FRMD4B: variants seen among roughly 807,000 people sequenced by gnomAD.
FRMD4B encodes the protein FERM domain containing 4B, also known as FERM domain-containing protein 4B.
A neutral mutation model predicts 141.5 loss-of-function variants in FRMD4B; 74 were observed. The ratio of observed to expected loss-of-function variants is 0.52; its 90% confidence interval spans 0.43 to 0.63. FRMD4B has a LOEUF of 0.63. Ranked by LOEUF, FRMD4B falls within the 30% of genes least tolerant of loss-of-function variation. The pLI is 0.00. For missense variants in FRMD4B, 1,366 were observed against 1,253.4 expected (o/e 1.09, Z -1.36); for synonymous variants, 506 against 467.9 (o/e 1.08, Z -1.05).
At chr3:69,323,022 C>T (rs1264733378) in intron 1 of FRMD4B, 1 of 976,632 alleles carries the variant, frequency 1.0e-6, no homozygotes, top group Non-Finnish European at 1.2e-6. Flanking sequence ...ACATCTCTTG[C>T]AGGTTCACTG....
At chr3:69,398,619 C>T (rs1704509445) in intron 2 of FRMD4B, among the ~76,000 whole-genome samples, 1 of 152,218 alleles carries the variant, frequency 6.6e-6, no homozygotes, top group Non-Finnish European at 1.5e-5. Flanking sequence ...TGTTCCCCAG[C>T]TCCTTATTTC....
intron 1 of FRMD4B, among the ~76,000 whole-genome samples, chr3:69,373,867 T>G (rs562111948): frequency 6.6e-6 from 1 of 152,332 alleles, no homozygotes; most frequent in African/African-American, 2.4e-5. Context: ...AATAAGACCC[T>G]GTCTCAATCA....
intron 1 of FRMD4B, among the ~76,000 whole-genome samples, chr3:69,494,042 A>G (rs1252253866): frequency 6.6e-6 from 1 of 152,112 alleles, no homozygotes; most frequent in Non-Finnish European, 1.5e-5. Context: ...GTACTCAGTT[A>G]ATTTTTTAAA....
intron 1 of FRMD4B, among the ~76,000 whole-genome samples, chr3:69,504,949 CTT>C (rs1352485000): frequency 2.0e-5 from 3 of 152,168 alleles, no homozygotes; most frequent in Non-Finnish European, 4.4e-5. Context: ...AACTACAAAA[CTT>C]TTCTAATCTC....
intron 1 of FRMD4B, among the ~76,000 whole-genome samples, chr3:69,458,849 TAAAAAAAAA>T: frequency 1.2e-5 from 1 of 82,166 alleles, no homozygotes; most frequent in South Asian, 4.9e-4. Context: ...ATGGGCTGCT[TAAAAAAAAA>T]AAAAAAAAAA....
rs781036488 is a variant in FRMD4B at position 69,181,297 on chromosome 3, T to C, written c.2453A>G (p.Tyr818Cys). 5.0e-6 allele frequency: 8 copies of C among 1,613,772 alleles called. No individual in the cohort carries two copies. In the African/African-American group the frequency reaches 6.7e-5, roughly 13 times the overall value. ...CTCATAGACATAACCACCACTGTAA[T>C]AAAAGTCACACTCTGCATAGGGTGT... The part of the protein sequence containing the change: ...GYTPYAECDF[Y>C]YSGGYVYEND... Residue 818 changes from tyrosine to cysteine, a missense_variant, in exon 21 of 23, where the codon TAT becomes TGT. Coordinates refer to ENST00000398540, the MANE Select transcript of FRMD4B (RefSeq NM_015123.3).
chr3:69,476,182 T>C (rs1705994376), intron 1 of FRMD4B, among the ~76,000 whole-genome samples: 3 of 151,628 alleles, frequency 2.0e-5, no homozygotes, highest in African/African-American at 4.9e-5. Context: ...TAGTTTCTTT[T>C]GCTGTGCAGA....
intron 21 of FRMD4B, among the ~76,000 whole-genome samples, chr3:69,180,369 C>T (rs1017976416): frequency 6.6e-6 from 1 of 151,858 alleles, no homozygotes; most frequent in African/African-American, 2.4e-5. Flanking sequence ...TAATCCCAGG[C>T]TTGCATTCAA....
chr3:69,181,047 G>T lies in FRMD4B; in HGVS notation c.2703C>A (p.Gly901=), dbSNP rs771875204. The T allele has an allele frequency of 4.3e-6, 7 of 1,613,990 alleles. No individual in the cohort carries two copies. Among genetic ancestry groups the T allele is most frequent in the Non-Finnish European group, 5.9e-6 (7 of 1,179,876 alleles). The change falls in exon 21 of 23, where the codon GGC becomes GGA. Residue 901 remains glycine (G), a synonymous_variant. Transcript: ENST00000398540. ...TCTGCCCAGAGGCCCGCTGGTACCA[G>T]CCACGCAAGTGCTCGGCAACTAAGG... The part of the protein sequence containing the change: ...HKALVAEHLR[G]WYQRASGQKD...
intron 1 of FRMD4B, among the ~76,000 whole-genome samples, chr3:69,469,175 T>C (rs540222824): frequency 7.0e-4 from 107 of 152,320 alleles, no homozygotes; most frequent in African/African-American, 2.4e-3. Flanking sequence ...GTTGTTATTC[T>C]GGGTGGCCAT....
chr3:69,256,134 A>C (rs2093491506), intron 5 of FRMD4B, among the ~76,000 whole-genome samples: 1 of 152,018 alleles, frequency 6.6e-6, no homozygotes, highest in Admixed American at 6.6e-5. Flanking sequence ...GACTATTTGG[A>C]TGCTGTCTAG....
intron 6 of FRMD4B, 90 bp from the exon 7 acceptor site, chr3:69,249,338 T>C: frequency 1.2e-6 from 1 of 843,194 alleles, no homozygotes; most frequent in Admixed American, 2.5e-5. Context: ...CCTCTTAAAG[T>C]TCCTGAGTTT....
chr3:69,201,470 G>A (rs2092967105), intron 11 of FRMD4B, among the ~76,000 whole-genome samples: 1 of 152,056 alleles, frequency 6.6e-6, no homozygotes, highest in East Asian at 1.9e-4. Context: ...AATGAATATA[G>A]GTTGGTCTGT....
intron 5 of FRMD4B, among the ~76,000 whole-genome samples, chr3:69,266,175 C>G (rs931535701): frequency 4.1e-4 from 63 of 151,860 alleles, no homozygotes; most frequent in African/African-American, 1.5e-3. Context: ...GCACTCCAGC[C>G]TGGGTGACAG....
intron 1 of FRMD4B, among the ~76,000 whole-genome samples, chr3:69,344,631 T>C (rs964037429): frequency 1.3e-5 from 2 of 152,114 alleles, no homozygotes; most frequent in African/African-American, 4.8e-5. Flanking sequence ...CTCTCTCTCT[T>C]GTCTACTGGG....
intron 1 of FRMD4B, among the ~76,000 whole-genome samples, chr3:69,503,566 A>C (rs1706540798): frequency 6.6e-6 from 1 of 151,218 alleles, no homozygotes; most frequent in Admixed American, 6.6e-5. Context: ...GGATAGCATT[A>C]GGAGATACAC....
chr3:69,205,077 A>G (rs1319805909), intron 11 of FRMD4B, among the ~76,000 whole-genome samples: 2 of 150,618 alleles, frequency 1.3e-5, no homozygotes, highest in Non-Finnish European at 3.0e-5. Context: ...AAAAAAAAGA[A>G]AAAGAGAAAA....
At position 69,171,570 on chromosome 3, in the gene FRMD4B, C is replaced by A; in HGVS notation, c.*291G>T. 1 of 249,828 alleles carries A rather than the reference C, an allele frequency of 4.0e-6. No individual in the cohort carries two copies. The highest frequency in any genetic ancestry group is 7.7e-6 in the Non-Finnish European group (1 of 129,994). The allele number at this position is 249,828 out of a possible 1,614,324, so 15.5% of individuals were successfully genotyped here. On this transcript the variant is annotated 3_prime_UTR_variant, in exon 23 of 23. Transcript: ENST00000398540. The stretch of plus-strand genomic sequence containing the variant: ...ACAACTTTTACTCCCTTAAAAAGTG[C>A]TTGCTATTGATGAAGGCTTCACACT...
In FRMD4B at chr3:69,169,374, T is replaced by TC. The variant is rs2092564340; in HGVS notation, c.*2486_*2487insG. On this transcript the variant is annotated 3_prime_UTR_variant, in exon 23 of 23. Coordinates refer to ENST00000398540, the MANE Select transcript of FRMD4B (RefSeq NM_015123.3). Reference sequence around the variant, plus strand: ...CTTTCTTTTTTTTTTTTTTTTTTTTTTCTTGAGACAAGGTCTGTTATTGCC... The same window carrying TC: ...CTTTCTTTTTTTTTTTTTTTTTTTTTCTCTTGAGACAAGGTCTGTTATTGCC... Among the ~76,000 whole-genome samples the TC allele has an allele frequency of 6.4e-5, 9 of 141,622 alleles. No individual in the cohort carries two copies. The highest frequency in any genetic ancestry group is 2.3e-4 in the South Asian group (1 of 4,436). 92.9% of individuals were successfully genotyped at this position (141,622 alleles called of 152,430 possible).
Sources: allele counts gnomAD v4.1 joint callset (sites outside exome capture counted in the v4.1 genomes callset), GRCh38; gene constraint gnomAD v4.1.1; transcripts MANE v1.5; gene names NCBI Gene and HGNC (gene_info 2026-07-23, HGNC 2026-07-21).